Variants in RAD51C observed in about 807,000 individuals in gnomAD.
The protein encoded by RAD51C is DNA repair protein RAD51 homolog 3.
Under a neutral mutation model 45.0 loss-of-function variants are expected in RAD51C, and 42 were observed. The ratio of observed to expected loss-of-function variants is 0.93; its 90% CI spans 0.73 to 1.21. The LOEUF (loss-of-function observed/expected upper bound fraction) is 1.21, where lower values mean the gene tolerates loss of function less well. Ranked by LOEUF, RAD51C falls within the 50% of genes most tolerant of loss-of-function variation. The probability of loss-of-function intolerance (pLI) is 0.00; values close to 1 mark genes in which losing one functional copy is unlikely to be tolerated. For missense variants in RAD51C, 474 were observed against 452.2 expected, an observed-to-expected ratio of 1.05 and a Z score of -0.44; for synonymous variants, 172 against 159.8, an observed-to-expected ratio of 1.08 and a Z score of -0.58.
At chr17:58,732,425 G>T in intron 7 of RAD51C, 59 bp from the exon 8 acceptor site, 2 of 1,441,318 alleles carry the variant, frequency 1.4e-6, no homozygotes, top group South Asian at 2.3e-5. Context: ...TTGGTCATCT[G>T]AACTTTTAAT....
At chr17:58,731,242 G>C (rs2049405498) in intron 7 of RAD51C, among the ~76,000 whole-genome samples, 1 of 149,394 alleles carries the variant, frequency 6.7e-6, no homozygotes, top group African/African-American at 2.4e-5. Context: ...CAGTTTTAAA[G>C]TAATTCTTAA....
intron 8 of RAD51C, among the ~76,000 whole-genome samples, chr17:58,733,837 G>A (rs2049543711): frequency 6.6e-6 from 1 of 152,136 alleles, no homozygotes; most frequent in Non-Finnish European, 1.5e-5. Flanking sequence ...TCCTGCCTCA[G>A]CCTCCAGAGT....
chr17:58,721,106 C>A (rs1796133644), intron 6 of RAD51C, among the ~76,000 whole-genome samples: 1 of 152,130 alleles, frequency 6.6e-6, no homozygotes, highest in Admixed American at 6.6e-5. Context: ...TATGGTGAAA[C>A]CCCATCTCTA....
intron 7 of RAD51C, among the ~76,000 whole-genome samples, chr17:58,730,784 G>A (rs1474423082): frequency 6.6e-6 from 1 of 152,002 alleles, no homozygotes. Flanking sequence ...ATTACATTGT[G>A]CTAAAACATG....
chr17:58,694,481 T>A (rs1255002784), intron 1 of RAD51C: 3 of 104,056 alleles, frequency 2.9e-5, no homozygotes, highest in African/African-American at 8.5e-5. Context: ...TAAGCTGAAT[T>A]TTTTTTTTTT....
At chr17:58,692,846 C>CTTCG (rs1325285827) in intron 1 of RAD51C, 58 bp downstream of exon 1, 1 of 1,612,124 alleles carries the variant, frequency 6.2e-7, no homozygotes, top group Admixed American at 1.7e-5. Flanking sequence ...CCGCCTCAGT[C>CTTCG]TTCGTTCTCT....
chr17:58,731,192 G>T (rs1765014671), intron 7 of RAD51C, among the ~76,000 whole-genome samples: 1 of 151,138 alleles, frequency 6.6e-6, no homozygotes, highest in Non-Finnish European at 1.5e-5. Flanking sequence ...CACTTGGGTT[G>T]CTTCCACCTT....
chr17:58,729,195 ATTTGAGGATGAT>A (rs1204233903), intron 7 of RAD51C, among the ~76,000 whole-genome samples: 1 of 152,070 alleles, frequency 6.6e-6, no homozygotes, highest in Non-Finnish European at 1.5e-5. Context: ...TTACCTAGAA[ATTTGAGGATGAT>A]TTTTTTGTTT....
chr17:58,732,966 T>G (rs746109764), intron 8 of RAD51C, among the ~76,000 whole-genome samples: 13 of 152,162 alleles, frequency 8.5e-5, no homozygotes, highest in Non-Finnish European at 1.6e-4. Context: ...GAACACACAT[T>G]TTTTGGCTGA....
Position 58,735,606 on chromosome 17 carries a change from A to G in RAD51C, c.*1384A>G, listed in dbSNP as rs1001327310. 1 of 152,182 alleles carries G rather than the reference A, an allele frequency of 6.6e-6. No individual in the cohort carries two copies. Among genetic ancestry groups the G allele is most frequent in the African/African-American group, 2.4e-5 (1 of 41,442 alleles). The allele number at this position is 152,182 out of a possible 1,614,324, so 9.4% of individuals were successfully genotyped here. On this transcript the variant is annotated 3_prime_UTR_variant, in exon 9 of 9. Coordinates refer to ENST00000337432, the MANE Select transcript of RAD51C (RefSeq NM_058216.3). ...TTGCTTAAATAAATTAAAGATTTCA[A>G]TTCTCGATGGTTTCAAAATCACCTA... is the stretch of plus-strand genomic sequence containing the variant.
rs779954908 is a variant in RAD51C, at chr17:58,709,928, A to G, written c.775A>G (p.Thr259Ala). The change falls in exon 5 of 9, where the codon ACT (threonine) becomes GCT (alanine). Residue 259 changes from threonine to alanine, a missense_variant. Coordinates refer to ENST00000337432, the MANE Select transcript of RAD51C (RefSeq NM_058216.3). ...RHDLDDLSLR[T>A]RLLNGLAQQM... Reference sequence around the variant, plus strand: ...TGACCTAGATGACCTGTCTCTTCGTACTCGGTTATTAAATGGCCTAGCCCA... The same window carrying G: ...TGACCTAGATGACCTGTCTCTTCGTGCTCGGTTATTAAATGGCCTAGCCCA... 1.9e-6 allele frequency: 3 copies of G among 1,612,324 alleles called. No individual in the cohort carries two copies. The South Asian group carries it at 3.3e-5, about 18-fold the overall frequency.
At chr17:58,725,809 A>G (rs1485654449) in intron 7 of RAD51C, among the ~76,000 whole-genome samples, 1 of 152,132 alleles carries the variant, frequency 6.6e-6, no homozygotes, top group Non-Finnish European at 1.5e-5. Flanking sequence ...CCTGGCCAAC[A>G]TGGTGAAACC....
chr17:58,698,242 G>A (rs1381473597), intron 3 of RAD51C, among the ~76,000 whole-genome samples: 1 of 146,668 alleles, frequency 6.8e-6, no homozygotes, highest in Non-Finnish European at 1.5e-5. Context: ...GAGTGTAATG[G>A]CACAATCTCG....
intron 8 of RAD51C, among the ~76,000 whole-genome samples, chr17:58,733,066 A>AGTGCAGCG (rs1436436144): frequency 6.6e-6 from 1 of 151,976 alleles, no homozygotes; most frequent in Non-Finnish European, 1.5e-5. Context: ...CCCAGGCTGG[A>AGTGCAGCG]GTGCAGCGGT....
At chr17:58,714,152 T>G (rs1444388320) in intron 5 of RAD51C, among the ~76,000 whole-genome samples, 1 of 151,814 alleles carries the variant, frequency 6.6e-6, no homozygotes, top group Non-Finnish European at 1.5e-5. Context: ...ACCTGGCTAA[T>G]TTTTGTATTT....
At position 58,703,179 on chromosome 17, in the gene RAD51C, G is replaced by A. The variant is rs193023469; in HGVS notation, c.572-17G>A. On this transcript the variant is annotated splice_polypyrimidine_tract_variant and intron_variant, in intron 3 of 8. Transcript: ENST00000337432. ...TCCAAACAGGTAAAACTAATTAAGA[G>A]TGTTTTGTTGTTTCAGAACACCGAA... 5.0e-6 allele frequency: 8 copies of A among 1,608,592 alleles called. No homozygotes were observed. The highest frequency in any genetic ancestry group is 6.0e-6 in the Non-Finnish European group (7 of 1,175,558).
rs2048017239 is a variant in RAD51C, at chr17:58,696,582, A to G, written c.405-111A>G. The G allele has an allele frequency of 3.5e-5, 45 of 1,290,126 alleles. No individual in the cohort carries two copies. In the South Asian group the frequency reaches 5.2e-4, roughly 15 times the overall value. The allele number at this position is 1,290,126 out of a possible 1,614,324, so 79.9% of individuals were successfully genotyped here. ...ACATTTCTGTTGCCTTGGGGAGTAT[A>G]TTTACATTTATAAAACTTTAGTGAT... On this transcript the variant is annotated intron_variant, in intron 2 of 8. Transcript: ENST00000337432.
chr17:58,723,178 C>G (rs1230046951), intron 6 of RAD51C, among the ~76,000 whole-genome samples: 1 of 152,128 alleles, frequency 6.6e-6, no homozygotes, highest in Non-Finnish European at 1.5e-5. Flanking sequence ...TTCAGGAACT[C>G]AGTTTGTCCA....
At chr17:58,727,053 C>T (rs2049185791) in intron 7 of RAD51C, among the ~76,000 whole-genome samples, 1 of 151,724 alleles carries the variant, frequency 6.6e-6, no homozygotes, top group Non-Finnish European at 1.5e-5. Context: ...ATCTTCTGAC[C>T]TCGTGATCCA....
Sources: gnomAD v4.1 joint callset for allele counts (sites outside exome capture counted in the v4.1 genomes callset) on GRCh38, gnomAD v4.1.1 for gene constraint, MANE v1.5 for transcripts, NCBI Gene and HGNC (gene_info 2026-07-23, HGNC 2026-07-21) for gene names.